Variants in ARHGEF12 observed in about 807,000 individuals in gnomAD.
The protein encoded by ARHGEF12 is KMT2A/ARHGEF12 fusion protein.
A neutral mutation model predicts 211.2 loss-of-function variants in ARHGEF12; 66 were observed. The observed-to-expected ratio is 0.31, with a 90% CI of 0.26 to 0.38. ARHGEF12 has a LOEUF of 0.38. ARHGEF12 is among the 10% of genes least tolerant of loss of function. The probability of loss-of-function intolerance (pLI) is 1.00; values close to 1 mark genes in which losing one functional copy is unlikely to be tolerated. For synonymous variants in ARHGEF12, 592 were observed against 638.4 expected (o/e 0.93, Z 1.09); for missense variants, 1,429 against 1,869.5 (o/e 0.76, Z 4.34).
chr11:120,400,622 A>G (rs979170557), intron 1 of ARHGEF12, among the ~76,000 whole-genome samples: 2 of 152,248 alleles, frequency 1.3e-5, no homozygotes, highest in East Asian at 3.8e-4. Context: ...CAGATTGTCA[A>G]TGAGGAAATG....
At chr11:120,372,376 T>C (rs1943613662) in intron 1 of ARHGEF12, among the ~76,000 whole-genome samples, 2 of 152,276 alleles carry the variant, frequency 1.3e-5, no homozygotes, top group Admixed American at 6.5e-5. Context: ...ATACCATCTT[T>C]AACATTGGCT....
At chr11:120,478,416 G>T in intron 37 of ARHGEF12, 27 bp downstream of exon 37, 1 of 1,582,390 alleles carries the variant, frequency 6.3e-7, no homozygotes. Flanking sequence ...ACTTATTACA[G>T]ATACTTACTA....
chr11:120,353,412 C>T (rs980280233), intron 1 of ARHGEF12, among the ~76,000 whole-genome samples: 4 of 152,184 alleles, frequency 2.6e-5, no homozygotes, highest in Non-Finnish European at 4.4e-5. Flanking sequence ...AAACTTCTGG[C>T]CAGTCCTAGG....
At chr11:120,383,577 A>G (rs1016019937) in intron 1 of ARHGEF12, among the ~76,000 whole-genome samples, 7 of 152,112 alleles carry the variant, frequency 4.6e-5, no homozygotes, top group East Asian at 1.9e-4. Flanking sequence ...GGAGTGTGCA[A>G]CCTAGATCCC....
intron 1 of ARHGEF12, among the ~76,000 whole-genome samples, chr11:120,353,120 G>C (rs1031110085): frequency 2.6e-5 from 4 of 152,196 alleles, no homozygotes; most frequent in African/African-American, 9.7e-5. Context: ...AATTTCAGAA[G>C]TTTTGGTCTA....
intron 1 of ARHGEF12, among the ~76,000 whole-genome samples, chr11:120,389,104 C>T (rs2135487972): frequency 6.6e-6 from 1 of 152,242 alleles, no homozygotes; most frequent in African/African-American, 2.4e-5. Flanking sequence ...CTCCTGACCT[C>T]AAGTAATCTG....
At chr11:120,411,861 T>C (rs1448397212) in intron 4 of ARHGEF12, 2 of 151,028 alleles carry the variant, frequency 1.3e-5, no homozygotes, top group African/African-American at 4.9e-5. Flanking sequence ...AGTCTCGCCA[T>C]GTTGCCCAGG....
rs1947379802 is a variant in ARHGEF12, at chr11:120,485,720, A to C, written c.*643A>C. On this transcript the variant is annotated 3_prime_UTR_variant, in exon 41 of 41. Coordinates refer to ENST00000397843, the MANE Select transcript of ARHGEF12 (RefSeq NM_015313.3). ...AGGTATGCTATGCCGTGTGGCTCTT[A>C]TGTGCCCAGGTGGTGTGGTCAGAGA... 1 of 233,610 alleles carries C rather than the reference A, an allele frequency of 4.3e-6. No individual in the cohort carries two copies. The highest frequency in any genetic ancestry group is 1.8e-4 in the South Asian group (1 of 5,532). 14.5% of individuals were successfully genotyped at this position (233,610 alleles called of 1,614,324 possible). A position where few individuals can be genotyped will look rare whatever the true frequency, so the allele number is the denominator to read the frequency against.
intron 20 of ARHGEF12, chr11:120,448,805 T>C: frequency 3.2e-6 from 1 of 308,902 alleles, no homozygotes; most frequent in East Asian, 6.1e-5. Context: ...AAATGCTTAG[T>C]AAATATTTGT....
chr11:120,482,744 CAAAA>C (rs11289906), intron 39 of ARHGEF12, among the ~76,000 whole-genome samples: 2 of 119,050 alleles, frequency 1.7e-5, no homozygotes, highest in Non-Finnish European at 3.4e-5. Flanking sequence ...GACTCTGTCT[CAAAA>C]AAAAAAAAAA....
chr11:120,456,752 G>A (rs1360406677), intron 22 of ARHGEF12, among the ~76,000 whole-genome samples: 1 of 152,170 alleles, frequency 6.6e-6, no homozygotes, highest in African/African-American at 2.4e-5. Flanking sequence ...CTAGCACTTT[G>A]GGTGGCCAAG....
Position 120,481,434 on chromosome 11 carries a change from C to T in ARHGEF12, c.4412C>T (p.Thr1471Ile), listed in dbSNP as rs759526229. 6.8e-6 allele frequency: 11 copies of T among 1,614,182 alleles called. No individual in the cohort carries two copies. The highest frequency in any genetic ancestry group is 4.4e-5 in the South Asian group (4 of 91,080). ...THSDGAISPF[T>I]PEFLVQQRWG... ...TCCGATGGGGCAATTTCACCATTCA[C>T]CCCCGAATTTCTGGTCCAGCAGCGC... The change falls in exon 39 of 41, where the codon ACC becomes ATC. Residue 1471 changes from threonine to isoleucine, a missense_variant. Thr to Ile is a moderately conservative substitution (Grantham distance 89, BLOSUM62 -1). Around this residue, in one of 7 missense-constraint regions of ARHGEF12, gnomAD observed 467 missense variants for 468.4 expected, o/e 1.00. Transcript: ENST00000397843.
At chr11:120,344,926 AC>A (rs1337921776) in intron 1 of ARHGEF12, among the ~76,000 whole-genome samples, 1 of 152,228 alleles carries the variant, frequency 6.6e-6, no homozygotes, top group East Asian at 1.9e-4. Flanking sequence ...TTTTATCACC[AC>A]AAGAGTCATG....
Position 120,475,444 on chromosome 11 carries a change from A to G in ARHGEF12, c.3214A>G (p.Ser1072Gly). ...TAAGATTCTGGCATCTACAGCTGATAGCAAACACACGTTTAGCCCTGTCAT... is the reference window on the plus strand; with the variant it reads ...TAAGATTCTGGCATCTACAGCTGATGGCAAACACACGTTTAGCCCTGTCAT... ...HSKILASTAD[S>G]KHTFSPVIKL... Residue 1072 changes from serine (S) to glycine (G), a missense_variant, in exon 33 of 41, where the codon AGC (serine) becomes GGC (glycine). By Grantham distance (56) the Ser-to-Gly change is moderately conservative. Around this residue, in one of 7 missense-constraint regions of ARHGEF12, gnomAD observed 223 missense variants for 444.6 expected, o/e 0.50. Coordinates refer to ENST00000397843, the MANE Select transcript of ARHGEF12 (RefSeq NM_015313.3). 6.2e-7 allele frequency: 1 copy of G among 1,614,184 alleles called. No individual in the cohort carries two copies. The highest frequency in any genetic ancestry group is 2.2e-5 in the East Asian group (1 of 44,878).
rs146831907 is a variant in ARHGEF12 at position 120,474,651 on chromosome 11, T to C, written c.3109+16T>C. 1.3e-6 allele frequency: 2 copies of C among 1,593,116 alleles called. No homozygotes were observed. Among genetic ancestry groups the C allele is most frequent in the African/African-American group, 2.7e-5 (2 of 73,988 alleles). Reference sequence around the variant, plus strand: ...AAAACTATTGGTAGGTCTGATATTGTCTTTTAGTTTTGGGGAGAGTGGCAA... The same window carrying C: ...AAAACTATTGGTAGGTCTGATATTGCCTTTTAGTTTTGGGGAGAGTGGCAA... On this transcript the variant is annotated intron_variant, in intron 32 of 40. Coordinates refer to ENST00000397843, the MANE Select transcript of ARHGEF12 (RefSeq NM_015313.3).
chr11:120,482,676 C>T (rs183469204), intron 39 of ARHGEF12, among the ~76,000 whole-genome samples: 1,713 of 151,022 alleles, frequency 0.011, 33 homozygotes, highest in African/African-American at 0.039. Context: ...ACCTGGGAGG[C>T]GGAGCTTGCA....
At chr11:120,441,601 A>G (rs1268143087) in intron 13 of ARHGEF12, 106 bp from the exon 14 acceptor site, 2 of 775,740 alleles carry the variant, frequency 2.6e-6, no homozygotes, top group East Asian at 2.8e-5. Context: ...TGAATTTTTT[A>G]TAGGGAGATC....
At position 120,421,455 on chromosome 11, in the gene ARHGEF12, T is replaced by TTG. The variant is rs1555109035; in HGVS notation, c.299-348_299-347insTG. Among the ~76,000 whole-genome samples the TTG allele has an allele frequency of 5.9e-3, 589 of 99,818 alleles. 25 individuals are homozygous for TTG. The highest frequency in any genetic ancestry group is 9.5e-3 in the African/African-American group (240 of 25,336). 65.5% of individuals were successfully genotyped at this position (99,818 alleles called of 152,430 possible). A position where few individuals can be genotyped will look rare whatever the true frequency, so the allele number is the denominator to read the frequency against. On this transcript the variant is annotated intron_variant, in intron 5 of 40. Transcript: ENST00000397843. Reference sequence around the variant, plus strand: ...TTTTTTTTTTTTGTTTTTTTTTTTTTGGAGATGGAGTCTCCCTCTGTCACC... The same window carrying TTG: ...TTTTTTTTTTTTGTTTTTTTTTTTTTTGGGAGATGGAGTCTCCCTCTGTCACC...
rs141911056 is a variant in ARHGEF12 at position 120,372,106 on chromosome 11, T to C, written c.33-34012T>C. On this transcript the variant is annotated intron_variant, in intron 1 of 40. Transcript: ENST00000397843. The stretch of plus-strand genomic sequence containing the variant: ...TTCAACATTTTTGTGTTAACACATA[T>C]GAACTTTTGAATACTAAAATTTTTG... 4.7e-3 allele frequency among the ~76,000 whole-genome samples: 717 copies of C among 152,378 alleles called. 7 individuals are homozygous for C. Among genetic ancestry groups the C allele is most frequent in the African/African-American group, 0.016 (677 of 41,596 alleles).
Sources: gnomAD v4.1 joint callset for allele counts (sites outside exome capture counted in the v4.1 genomes callset) on GRCh38, gnomAD v4.1.1 for gene constraint, gnomAD v4.1.1 regional missense constraint, MANE v1.5 for transcripts, NCBI Gene and HGNC (gene_info 2026-07-23, HGNC 2026-07-21) for gene names.